Variants in DPP4 observed in about 807,000 individuals in gnomAD.
DPP4 encodes ADCP-2.
DPP4 carries 93 observed loss-of-function variants against 122.4 expected under a neutral mutation model. The observed-to-expected ratio is 0.76, with a 90% CI of 0.64 to 0.90. DPP4 has a LOEUF of 0.90. Among genes scored for constraint, DPP4 ranks in the 40% least tolerant of loss-of-function variants. The probability of loss-of-function intolerance (pLI) is 0.00; values close to 1 mark genes in which losing one functional copy is unlikely to be tolerated. For missense variants in DPP4, 914 were observed against 907.3 expected (o/e 1.01, Z -0.09); for synonymous variants, 321 against 302.9 (o/e 1.06, Z -0.62).
intron 11 of DPP4, among the ~76,000 whole-genome samples, chr2:162,023,554 C>A (rs187416536): frequency 2.0e-5 from 3 of 152,176 alleles, no homozygotes; most frequent in African/African-American, 7.2e-5. Flanking sequence ...GCTTCTATGG[C>A]GTTCTGTCCT....
In DPP4 at chr2:162,014,458, C is replaced by T. The variant is rs941700811; in HGVS notation, c.1575G>A (p.Trp525Ter). ...DFIILNETKF[W>*]YQMILPPHFD... ...AATGAGGAGGCAAGATCATCTGATA[C>T]CAAAATTCTAAACAAACAGAAAGAT... Residue 525 changes from tryptophan to a stop codon, truncating the protein, a stop_gained, in exon 19 of 26, where the codon TGG becomes TGA. Transcript: ENST00000360534. LOFTEE classifies it high-confidence loss of function. 3 of 1,604,960 alleles carry T rather than the reference C, an allele frequency of 1.9e-6. No individual in the cohort carries two copies. Among genetic ancestry groups the T allele is most frequent in the South Asian group, 1.1e-5 (1 of 89,546 alleles).
At chr2:162,029,563 A>G (rs956893252) in intron 10 of DPP4, among the ~76,000 whole-genome samples, 2 of 152,240 alleles carry the variant, frequency 1.3e-5, no homozygotes, top group South Asian at 2.1e-4. Flanking sequence ...TGCAGATGTC[A>G]CTAGCTTCCA....
chr2:162,034,915 G>A (rs1244475400), intron 9 of DPP4, among the ~76,000 whole-genome samples: 1 of 151,926 alleles, frequency 6.6e-6, no homozygotes, highest in East Asian at 1.9e-4. Flanking sequence ...TCTTTCTAAA[G>A]CATTTTCCCC....
At chr2:162,039,071 G>C (rs1260263728) in intron 6 of DPP4, 50 bp from the exon 7 acceptor site, 2 of 1,611,260 alleles carry the variant, frequency 1.2e-6, no homozygotes, top group Non-Finnish European at 1.7e-6. Context: ...ACTCACATTG[G>C]GGTTTCCTTA....
At chr2:162,024,202 G>A (rs1683235401) in intron 11 of DPP4, among the ~76,000 whole-genome samples, 1 of 152,230 alleles carries the variant, frequency 6.6e-6, no homozygotes, top group Admixed American at 6.5e-5. Context: ...CAGGCTCCCA[G>A]AGGGACTTTA....
At chr2:162,020,128 G>T (rs568768006) in intron 14 of DPP4, 101 bp downstream of exon 14, 7 of 981,550 alleles carry the variant, frequency 7.1e-6, no homozygotes, top group Non-Finnish European at 1.1e-5. Flanking sequence ...ATTCCAAAAA[G>T]ACTACTCTTT....
At chr2:162,066,816 A>C (rs1001087710) in intron 2 of DPP4, among the ~76,000 whole-genome samples, 2 of 152,236 alleles carry the variant, frequency 1.3e-5, no homozygotes, top group African/African-American at 4.8e-5. Flanking sequence ...GGTGAGAAAG[A>C]AAGCAAGAAA....
chr2:161,996,795 A>G (rs1306917188), intron 23 of DPP4, among the ~76,000 whole-genome samples: 2 of 152,194 alleles, frequency 1.3e-5, no homozygotes, highest in African/African-American at 2.4e-5. Flanking sequence ...ACTTTATCAT[A>G]GGTATGTATA....
At position 162,019,666 on chromosome 2, in the gene DPP4, T is replaced by G. The variant is rs149118707; in HGVS notation, c.1245-390A>C. Among the ~76,000 whole-genome samples the G allele has an allele frequency of 2.8e-4, 42 of 152,084 alleles. 2 individuals carry two copies. In the East Asian group the frequency reaches 8.1e-3, roughly 29 times the overall value. ...AAGCTACTAGATGGCAGGAGCCCCA[T>G]GTTCCTGAGAGCAGCAGAGCCACTG... On this transcript the variant is annotated intron_variant, in intron 14 of 25. Coordinates refer to ENST00000360534, the MANE Select transcript of DPP4 (RefSeq NM_001935.4).
At chr2:162,056,289 A>G (rs1684573583) in intron 2 of DPP4, among the ~76,000 whole-genome samples, 1 of 152,198 alleles carries the variant, frequency 6.6e-6, no homozygotes, top group Non-Finnish European at 1.5e-5. Flanking sequence ...CATTCTGTTT[A>G]CTATTATATT....
intron 23 of DPP4, among the ~76,000 whole-genome samples, chr2:162,005,385 T>C (rs1375925787): frequency 6.6e-6 from 1 of 152,210 alleles, no homozygotes; most frequent in Admixed American, 6.5e-5. Context: ...ATGATAATAC[T>C]GTAAGAAATT....
In DPP4 at chr2:162,020,125, A is replaced by G. The variant is rs991520647; in HGVS notation, c.1244+104T>C. ...AAAAAAAGTATTGAACACATTCCAA[A>G]AAGACTACTCTTTATTTGTAGGAGA... On this transcript the variant is annotated intron_variant, in intron 14 of 25. Transcript: ENST00000360534. 1.0e-5 allele frequency: 10 copies of G among 970,746 alleles called. No homozygotes were observed. In the African/African-American group the frequency reaches 1.5e-4, roughly 14 times the overall value. The allele number at this position is 970,746 out of a possible 1,614,324, so 60.1% of individuals were successfully genotyped here.
At chr2:162,063,331 C>T (rs1229106761) in intron 2 of DPP4, among the ~76,000 whole-genome samples, 1 of 152,068 alleles carries the variant, frequency 6.6e-6, no homozygotes, top group Non-Finnish European at 1.5e-5. Context: ...GCACCTAGAG[C>T]TCAGGAAAAG....
At chr2:162,016,018 G>T (rs1682902453) in intron 18 of DPP4, among the ~76,000 whole-genome samples, 1 of 152,120 alleles carries the variant, frequency 6.6e-6, no homozygotes, top group African/African-American at 2.4e-5. Context: ...AGTTTGAGTA[G>T]CACTGATGTA....
At chr2:161,993,482 G>T in intron 25 of DPP4, 98 bp from the exon 26 acceptor site, 2 of 803,864 alleles carry the variant, frequency 2.5e-6, no homozygotes, top group Non-Finnish European at 4.1e-6. Context: ...AGCATACATG[G>T]TATAAAACAG....
At chr2:162,036,015 G>A (rs757047657) in intron 8 of DPP4, among the ~76,000 whole-genome samples, 8 of 152,078 alleles carry the variant, frequency 5.3e-5, no homozygotes, top group African/African-American at 1.4e-4. Flanking sequence ...GTACATTGTC[G>A]GGCTTCTTCT....
At position 162,018,838 on chromosome 2, in the gene DPP4, A is replaced by G. The variant is rs748114883; in HGVS notation, c.1311T>C (p.Ser437=). ...GGRNLYKIQL[S]DYTKVTCLSC... ...TGAGGCATGTCACTTTTGTATAGTC[A>G]CTAAGTTGGATTCTGTAAAACCAAC... Residue 437 remains serine (S), a synonymous_variant, in exon 16 of 26, where the codon AGT becomes AGC. Coordinates refer to ENST00000360534, the MANE Select transcript of DPP4 (RefSeq NM_001935.4). The G allele has an allele frequency of 1.9e-6, 3 of 1,614,008 alleles. No homozygotes were observed. Among genetic ancestry groups the G allele is most frequent in the East Asian group, 2.2e-5 (1 of 44,886 alleles).
At chr2:162,009,348 CTT>C in intron 20 of DPP4, 53 bp from the exon 21 acceptor site, 5 of 1,530,144 alleles carry the variant, frequency 3.3e-6, no homozygotes, top group Non-Finnish European at 4.5e-6. Context: ...GTATAGAAAA[CTT>C]AGATGAGGCA....
Position 161,993,113 on chromosome 2 carries a change from A to G in DPP4, c.*170T>C. ...AGGTAATAATCTGTTGTGAAGACAGAAGTCCCTACTTAAGATGATAGGTAT... is the reference window on the plus strand; with the variant it reads ...AGGTAATAATCTGTTGTGAAGACAGGAGTCCCTACTTAAGATGATAGGTAT... On this transcript the variant is annotated 3_prime_UTR_variant, in exon 26 of 26. Transcript: ENST00000360534. 1.8e-6 allele frequency: 1 copy of G among 564,998 alleles called. No individual in the cohort carries two copies. The highest frequency in any genetic ancestry group is 3.2e-6 in the Non-Finnish European group (1 of 314,244). The allele number at this position is 564,998 out of a possible 1,614,324, so 35.0% of individuals were successfully genotyped here. A position where few individuals can be genotyped will look rare whatever the true frequency, so the allele number is the denominator to read the frequency against.
Sources: gnomAD v4.1 joint callset for allele counts (sites outside exome capture counted in the v4.1 genomes callset) on GRCh38, gnomAD v4.1.1 for gene constraint, MANE v1.5 for transcripts, NCBI Gene and HGNC (gene_info 2026-07-23, HGNC 2026-07-21) for gene names.